Variants in ROBO2 observed in about 807,000 individuals in gnomAD.
The protein encoded by ROBO2 is roundabout homolog 2.
In ROBO2, 53 loss-of-function variants were observed where a neutral mutation model predicts 160.8. That is an observed-to-expected ratio of 0.33 (90% confidence interval 0.26 to 0.41). ROBO2 has a LOEUF of 0.41. ROBO2 is among the 10% of genes least tolerant of loss of function. The pLI, the probability that ROBO2 is intolerant of heterozygous loss-of-function variation, is 1.00. For missense variants in ROBO2, 1,577 were observed against 1,722.4 expected, an observed-to-expected ratio of 0.92 and a Z score of 1.49; for synonymous variants, 664 against 611.7, an observed-to-expected ratio of 1.09 and a Z score of -1.26.
At chr3:77,012,374 T>C (rs2061974230) in intron 2 of ROBO2, among the ~76,000 whole-genome samples, 1 of 152,196 alleles carries the variant, frequency 6.6e-6, no homozygotes, top group African/African-American at 2.4e-5. Context: ...ACTTTCAGCC[T>C]AAAGATTAAT....
chr3:76,840,775 T>C (rs1175089880), intron 2 of ROBO2, among the ~76,000 whole-genome samples: 1 of 151,648 alleles, frequency 6.6e-6, no homozygotes, highest in Non-Finnish European at 1.5e-5. Context: ...GAAAATATTG[T>C]CATTTTAGCC....
intron 2 of ROBO2, among the ~76,000 whole-genome samples, chr3:77,106,147 A>T (rs1021697311): frequency 2.6e-5 from 4 of 152,016 alleles, no homozygotes; most frequent in Non-Finnish European, 5.9e-5. Flanking sequence ...GGATCAAGCG[A>T]TTCTCCCACC....
At chr3:76,152,048 T>C (rs1359839714) in intron 2 of ROBO2, among the ~76,000 whole-genome samples, 2 of 152,172 alleles carry the variant, frequency 1.3e-5, no homozygotes, top group Admixed American at 6.6e-5. Context: ...AACTACTAAA[T>C]TTTTCTAATG....
At chr3:76,364,097 A>G (rs188167927) in intron 2 of ROBO2, among the ~76,000 whole-genome samples, 85 of 152,170 alleles carry the variant, frequency 5.6e-4, no homozygotes, top group Non-Finnish European at 1.0e-3. Context: ...GTCACATTAT[A>G]TGTTCCAGCT....
chr3:76,725,816 C>T (rs1225793655), intron 2 of ROBO2, among the ~76,000 whole-genome samples: 1 of 152,164 alleles, frequency 6.6e-6, no homozygotes, highest in Non-Finnish European at 1.5e-5. Context: ...TTTATTTCCC[C>T]TAGAGTATCC....
At chr3:76,339,329 T>A (rs538116821) in intron 2 of ROBO2, among the ~76,000 whole-genome samples, 1 of 152,324 alleles carries the variant, frequency 6.6e-6, no homozygotes, top group African/African-American at 2.4e-5. Flanking sequence ...CTGCAAGGTT[T>A]CATTTTACCC....
intron 2 of ROBO2, among the ~76,000 whole-genome samples, chr3:76,886,397 T>TA (rs113249255): frequency 0.029 from 4,187 of 145,682 alleles, 110 homozygotes; most frequent in African/African-American, 0.066. Flanking sequence ...CCTTTTAACT[T>TA]AAAAAAAAAA....
intron 2 of ROBO2, among the ~76,000 whole-genome samples, chr3:77,357,041 A>G (rs556443833): frequency 6.6e-6 from 1 of 152,248 alleles, no homozygotes; most frequent in Non-Finnish European, 1.5e-5. Context: ...CCTTTCTTGG[A>G]TTATTATAAT....
intron 1 of ROBO2, chr3:75,937,473 A>T: frequency 6.7e-7 from 1 of 1,484,516 alleles, no homozygotes; most frequent in Non-Finnish European, 9.1e-7. Flanking sequence ...ACCCCACTCA[A>T]TATGCAGAGT....
chr3:77,071,208 A>T (rs747894161), intron 1 of ROBO2, among the ~76,000 whole-genome samples: 9 of 152,184 alleles, frequency 5.9e-5, no homozygotes, highest in Admixed American at 1.3e-4. Context: ...TCTCTTTCTA[A>T]GAAGGAATAT....
chr3:76,016,369 A>T (rs2066405082), intron 2 of ROBO2, among the ~76,000 whole-genome samples: 1 of 152,002 alleles, frequency 6.6e-6, no homozygotes, highest in African/African-American at 2.4e-5. Flanking sequence ...TAATGAATCT[A>T]TTCATGAACA....
chr3:76,735,784 A>AGG (rs1177336694), intron 2 of ROBO2, among the ~76,000 whole-genome samples: 12 of 31,994 alleles, frequency 3.8e-4, no homozygotes, highest in Non-Finnish European at 5.7e-4. Flanking sequence ...AAGAAAAAAA[A>AGG]AAGGGGAAAG....
intron 2 of ROBO2, among the ~76,000 whole-genome samples, chr3:75,947,634 T>C (rs1948361201): frequency 6.6e-6 from 1 of 152,084 alleles, no homozygotes; most frequent in Admixed American, 6.6e-5. Flanking sequence ...GAAATTAAAA[T>C]TATGTCAACT....
chr3:76,662,683 A>T (rs1024731046), intron 2 of ROBO2, among the ~76,000 whole-genome samples: 1 of 152,212 alleles, frequency 6.6e-6, no homozygotes, highest in Non-Finnish European at 1.5e-5. Context: ...CATATTAGCA[A>T]CATGGAAGGG....
At chr3:76,827,327 T>C (rs1280568171) in intron 2 of ROBO2, among the ~76,000 whole-genome samples, 2 of 152,212 alleles carry the variant, frequency 1.3e-5, no homozygotes, top group Admixed American at 6.5e-5. Flanking sequence ...CTTTTCTCTT[T>C]CCTTCTGACT....
At chr3:77,101,636 T>C (rs1365253328) in intron 2 of ROBO2, among the ~76,000 whole-genome samples, 1 of 152,136 alleles carries the variant, frequency 6.6e-6, no homozygotes, top group Non-Finnish European at 1.5e-5. Flanking sequence ...TATTTAGTGG[T>C]GGTCAAGGCA....
intron 2 of ROBO2, among the ~76,000 whole-genome samples, chr3:76,033,329 C>T (rs978592430): frequency 6.6e-6 from 1 of 151,992 alleles, no homozygotes; most frequent in African/African-American, 2.4e-5. Context: ...TATCACCGAC[C>T]AGGATATGCT....
At chr3:77,224,647 T>G (rs775775279) in intron 2 of ROBO2, among the ~76,000 whole-genome samples, 19 of 151,880 alleles carry the variant, frequency 1.3e-4, no homozygotes, top group African/African-American at 1.7e-4. Flanking sequence ...TTGTTTGATT[T>G]ATTTGGAAGG....
chr3:77,391,789 T>G lies in ROBO2; in HGVS notation c.389-85625T>G, dbSNP rs531642993. 2.6e-5 allele frequency among the ~76,000 whole-genome samples: 4 copies of G among 152,170 alleles called. No homozygotes were observed. The South Asian group carries it at 8.3e-4, about 32-fold the overall frequency. ...GCCCAGGCTGGTCTTGAACTCCTGA[T>G]CTCACATGATCCTCCCAGCTCGGCC... On this transcript the variant is annotated intron_variant, in intron 2 of 25. Transcript: ENST00000461745.
Sources: allele counts gnomAD v4.1 joint callset (sites outside exome capture counted in the v4.1 genomes callset), GRCh38; gene constraint gnomAD v4.1.1; transcripts MANE v1.5; gene names NCBI Gene and HGNC (gene_info 2026-07-23, HGNC 2026-07-21).